FKBP5: variants seen among roughly 807,000 people sequenced by gnomAD.
FKBP5 encodes FKBP prolyl isomerase 5.
In FKBP5, 23 loss-of-function variants were observed where a neutral mutation model predicts 50.5. The ratio of observed to expected loss-of-function variants is 0.46; its 90% CI spans 0.33 to 0.65. The LOEUF (loss-of-function observed/expected upper bound fraction) is 0.65, where lower values mean the gene tolerates loss of function less well. FKBP5 is among the 30% of genes least tolerant of loss of function. The probability of loss-of-function intolerance (pLI) is 0.02; values close to 1 mark genes in which losing one functional copy is unlikely to be tolerated. For missense variants in FKBP5, 411 were observed against 553.1 expected (o/e 0.74, Z 2.58); for synonymous variants, 176 against 190.6 (o/e 0.92, Z 0.63).
chr6:35,580,743 A>C (rs763316325), intron 8 of FKBP5: 7 of 443,202 alleles, frequency 1.6e-5, no homozygotes, highest in Non-Finnish European at 2.1e-5. Context: ...GCGTTTCACT[A>C]TGTTGGCCAG....
chr6:35,695,952 G>T (rs1766073037), intron 2 of FKBP5, among the ~76,000 whole-genome samples: 1 of 151,824 alleles, frequency 6.6e-6, no homozygotes. Context: ...AGACCATCCT[G>T]GCTAACACGG....
intron 1 of FKBP5, among the ~76,000 whole-genome samples, chr6:35,648,179 T>C (rs1039289381): frequency 5.9e-5 from 9 of 152,232 alleles, no homozygotes; most frequent in African/African-American, 1.7e-4. Context: ...CAGTCAGACA[T>C]GGTTGAGAAC....
rs147722311 is a variant in FKBP5, at chr6:35,619,076, C to T, written c.508+20G>A. ...TGGCCCAACTTTTAAGGACTAGTTC[C>T]CTCTTACTTTAATACTTACTTTCTA... On this transcript the variant is annotated intron_variant, in intron 5 of 10. Transcript: ENST00000357266. 372 of 1,525,202 alleles carry T rather than the reference C, an allele frequency of 2.4e-4. No homozygotes were observed. The African/African-American group carries it at 4.6e-3, about 19-fold the overall frequency. The allele number at this position is 1,525,202 out of a possible 1,614,324, so 94.5% of individuals were successfully genotyped here.
At chr6:35,577,890 C>T (rs901464823) in intron 9 of FKBP5, among the ~76,000 whole-genome samples, 21 of 151,902 alleles carry the variant, frequency 1.4e-4, no homozygotes, top group African/African-American at 2.7e-4. Context: ...CCTGTCTCTA[C>T]TGAAAATACA....
rs376076289 is a variant in FKBP5 at position 35,629,874 on chromosome 6, C to T, written c.250+7140G>A. Among the ~76,000 whole-genome samples, 30 of 152,284 alleles carry T rather than the reference C, an allele frequency of 2.0e-4. No homozygotes were observed. In the South Asian group the frequency reaches 5.2e-3, roughly 26 times the overall value. Reference sequence around the variant, plus strand: ...AAGTTTGCTGTCTTTCTGGCTCACACTTTTGGGGACAATTAAAAAAATTAA... The same window carrying T: ...AAGTTTGCTGTCTTTCTGGCTCACATTTTTGGGGACAATTAAAAAAATTAA... On this transcript the variant is annotated intron_variant, in intron 3 of 10. Coordinates refer to ENST00000357266, the MANE Select transcript of FKBP5 (RefSeq NM_004117.4).
intron 1 of FKBP5, among the ~76,000 whole-genome samples, chr6:35,678,624 AAC>A (rs1408838524): frequency 6.6e-6 from 1 of 152,194 alleles, no homozygotes; most frequent in Non-Finnish European, 1.5e-5. Context: ...TAAAGACAAA[AAC>A]AGTTTCATAA....
At chr6:35,620,663 C>T (rs1231993620) in intron 3 of FKBP5, among the ~76,000 whole-genome samples, 1 of 151,926 alleles carries the variant, frequency 6.6e-6, no homozygotes, top group African/African-American at 2.4e-5. Flanking sequence ...GGGAGGACAG[C>T]TTAAGCCTGG....
chr6:35,580,175 G>C lies in FKBP5; in HGVS notation c.887C>G (p.Ser296Cys). Residue 296 changes from serine (S) to cysteine (C), a missense_variant, in exon 9 of 11, where the codon TCC becomes TGC. Around this residue, in one of 3 missense-constraint regions of FKBP5, gnomAD observed 267 missense variants for 405.9 expected, o/e 0.66. Transcript: ENST00000357266. ...QAVIQYGKIV[S>C]WLEMEYGLSE... Reference sequence around the variant, plus strand: ...TAAACCATATTCCATCTCTAACCAGGACACTATCTTCCCATACTGAATCAC... The same window carrying C: ...TAAACCATATTCCATCTCTAACCAGCACACTATCTTCCCATACTGAATCAC... 1 of 1,614,052 alleles carries C rather than the reference G, an allele frequency of 6.2e-7. No homozygotes were observed. Among genetic ancestry groups the C allele is most frequent in the Non-Finnish European group, 8.5e-7 (1 of 1,179,948 alleles).
chr6:35,593,860 C>T (rs1762895774), intron 6 of FKBP5, among the ~76,000 whole-genome samples: 1 of 151,622 alleles, frequency 6.6e-6, no homozygotes, highest in Non-Finnish European at 1.5e-5. Context: ...TGACCAATAG[C>T]CTGTGTTTTT....
At chr6:35,667,019 CTGTGTGTGTG>C (rs35407744) in intron 1 of FKBP5, among the ~76,000 whole-genome samples, 67,104 of 148,674 alleles carry the variant, frequency 0.45, 15,159 homozygotes, top group East Asian at 0.63. Context: ...GTGTGTGTGT[CTGTGTGTGTG>C]TGTGTGTGTG....
At chr6:35,614,267 C>T (rs1483586306) in intron 5 of FKBP5, among the ~76,000 whole-genome samples, 1 of 152,052 alleles carries the variant, frequency 6.6e-6, no homozygotes, top group African/African-American at 2.4e-5. Flanking sequence ...AAACCAGGAT[C>T]TAATGATATA....
At chr6:35,630,555 A>G (rs900978243) in intron 3 of FKBP5, among the ~76,000 whole-genome samples, 2 of 152,186 alleles carry the variant, frequency 1.3e-5, no homozygotes, top group African/African-American at 4.8e-5. Context: ...AAAAAAAAAG[A>G]GAAATTTCTA....
Position 35,718,689 on chromosome 6 carries a change from AG to A in FKBP5, c.-20+1638del, listed in dbSNP as rs1198866575. On this transcript the variant is annotated intron_variant, in intron 2 of 11. Transcript: ENST00000536438. Reference sequence around the variant, plus strand: ...ATCCTCAGCACCTAGCAGAATCTACAGCACAACACAGGTGCTCAAATAACTG... The same window carrying A: ...ATCCTCAGCACCTAGCAGAATCTACACACAACACAGGTGCTCAAATAACTG... Among the ~76,000 whole-genome samples the A allele has an allele frequency of 3.9e-5, 6 of 152,228 alleles. No individual in the cohort carries two copies. The East Asian group carries it at 1.2e-3, about 29-fold the overall frequency.
At chr6:35,721,579 C>T (rs1766611813) in intron 1 of FKBP5, among the ~76,000 whole-genome samples, 1 of 152,116 alleles carries the variant, frequency 6.6e-6, no homozygotes, top group African/African-American at 2.4e-5. Context: ...CCTCAGCCTC[C>T]CGAGCAGCTG....
intron 5 of FKBP5, among the ~76,000 whole-genome samples, chr6:35,599,419 A>G (rs566195469): frequency 6.6e-6 from 1 of 152,366 alleles, no homozygotes; most frequent in South Asian, 2.1e-4. Context: ...GAAATGGTGT[A>G]GACACTAGGG....
intron 1 of FKBP5, among the ~76,000 whole-genome samples, chr6:35,721,117 T>A (rs1391350440): frequency 6.6e-6 from 1 of 152,094 alleles, no homozygotes; most frequent in Non-Finnish European, 1.5e-5. Context: ...TTTGGGAGGC[T>A]GAGGCGGGTG....
chr6:35,644,563 A>G (rs1417394476), intron 1 of FKBP5, among the ~76,000 whole-genome samples: 1 of 152,236 alleles, frequency 6.6e-6, no homozygotes, highest in Non-Finnish European at 1.5e-5. Flanking sequence ...TCTCTGCTCT[A>G]GTTTCTAGTA....
intron 7 of FKBP5, among the ~76,000 whole-genome samples, chr6:35,587,792 C>T (rs2150957300): frequency 6.6e-6 from 1 of 152,256 alleles, no homozygotes; most frequent in Non-Finnish European, 1.5e-5. Context: ...ATTACAGATA[C>T]AAATCCAGAA....
intron 3 of FKBP5, among the ~76,000 whole-genome samples, chr6:35,631,783 C>T (rs2150984093): frequency 6.6e-6 from 1 of 151,896 alleles, no homozygotes; most frequent in East Asian, 1.9e-4. Flanking sequence ...GGTGAAACCC[C>T]ATCTCTACTA....
Sources: gnomAD v4.1 joint callset for allele counts (sites outside exome capture counted in the v4.1 genomes callset) on GRCh38, gnomAD v4.1.1 for gene constraint, gnomAD v4.1.1 regional missense constraint, MANE v1.5 for transcripts, NCBI Gene and HGNC (gene_info 2026-07-23, HGNC 2026-07-21) for gene names.